PCF11: variants seen among roughly 807,000 people sequenced by gnomAD.
PCF11 encodes the protein PCF11 cleavage and polyadenylation factor subunit, also known as pre-mRNA cleavage complex 2 protein Pcf11.
Under a neutral mutation model 166.1 loss-of-function variants are expected in PCF11, and 19 were observed. The ratio of observed to expected loss-of-function variants is 0.11; its 90% confidence interval spans 0.08 to 0.17. The LOEUF (loss-of-function observed/expected upper bound fraction) is 0.17, where lower values mean the gene tolerates loss of function less well. PCF11 is among the 10% of genes least tolerant of loss of function. The probability of loss-of-function intolerance (pLI) is 1.00; values close to 1 mark genes in which losing one functional copy is unlikely to be tolerated. For synonymous variants in PCF11, 663 were observed against 644.1 expected (o/e 1.03, Z -0.44); for missense variants, 1,565 against 1,855.5 (o/e 0.84, Z 2.88).
In PCF11 at chr11:83,167,118, G is replaced by A. The variant is rs753143416; in HGVS notation, c.1818-7G>A. 4.4e-6 allele frequency: 7 copies of A among 1,598,968 alleles called. No individual in the cohort carries two copies. In the South Asian group the frequency reaches 7.9e-5, roughly 18 times the overall value. ...TTCAATGTAACATACTGCTTTTATGGTTTCAGCTTACAACAGGTTGATGAA... is the reference window on the plus strand; with the variant it reads ...TTCAATGTAACATACTGCTTTTATGATTTCAGCTTACAACAGGTTGATGAA... On this transcript the variant is annotated splice_polypyrimidine_tract_variant and splice_region_variant and intron_variant, in intron 5 of 15. Transcript: ENST00000298281. The surrounding 1 kb of genome is among the most constrained non-coding windows in gnomAD (Gnocchi z 4.2).
chr11:83,177,121 G>C, exon 10 of PCF11: 1 of 1,574,504 alleles, frequency 6.4e-7, no homozygotes, highest in East Asian at 2.3e-5. Context: ...AATCATCTCA[G>C]TCAGGTGGAT....
exon 16 of PCF11, chr11:83,184,933 C>A: frequency 7.2e-7 from 1 of 1,392,732 alleles, no homozygotes; most frequent in Non-Finnish European, 9.7e-7. Context: ...TTTAAAAAAG[C>A]TGCTGTTGGA....
chr11:83,172,517 G>A (rs11233502), intron 9 of PCF11, among the ~76,000 whole-genome samples: 14,459 of 152,026 alleles, frequency 0.095, 795 homozygotes, highest in Middle Eastern at 0.21. Flanking sequence ...CTGCCTCCGG[G>A]GTTCAAGCGA....
intron 2 of PCF11, among the ~76,000 whole-genome samples, chr11:83,162,922 G>A (rs1860311855): frequency 6.6e-6 from 1 of 152,138 alleles, no homozygotes; most frequent in Non-Finnish European, 1.5e-5. Context: ...TTACAGGCAT[G>A]AGCCATCATG....
intron 9 of PCF11, among the ~76,000 whole-genome samples, chr11:83,176,036 C>T (rs780741205): frequency 4.6e-5 from 7 of 152,124 alleles, no homozygotes; most frequent in South Asian, 2.1e-4. Flanking sequence ...TTTCCTGTTA[C>T]GTCAGGGAGC....
chr11:83,182,794 A>T (rs1183732105), intron 14 of PCF11, among the ~76,000 whole-genome samples: 1 of 152,202 alleles, frequency 6.6e-6, no homozygotes, highest in African/African-American at 2.4e-5. Flanking sequence ...TTTATATTTC[A>T]TCATCAAACT....
chr11:83,184,010 G>T (rs1861178685), intron 15 of PCF11: 1 of 152,012 alleles, frequency 6.6e-6, no homozygotes, highest in Non-Finnish European at 1.5e-5. Context: ...AAATTAGCCA[G>T]GCATGGTGGC....
At chr11:83,157,435 G>T in exon 1 of PCF11, 1 of 1,606,586 alleles carries the variant, frequency 6.2e-7, no homozygotes, top group African/African-American at 1.3e-5. Flanking sequence ...GGGGGCCGCG[G>T]CGCAATGTCA....
intron 13 of PCF11, 27 bp downstream of exon 13, chr11:83,182,036 C>T: frequency 3.2e-6 from 5 of 1,579,388 alleles, no homozygotes; most frequent in Non-Finnish European, 4.3e-6. Context: ...TAAGTTTTCT[C>T]ACAGTGGGAG....
Position 83,177,054 on chromosome 11 carries a change from G to T in PCF11, c.3758-31G>T, listed in dbSNP as rs774106414. The T allele has an allele frequency of 7.4e-5, 105 of 1,418,082 alleles. 1 individual carries two copies. The Middle Eastern group carries it at 2.9e-3, about 39-fold the overall frequency. 87.8% of individuals were successfully genotyped at this position (1,418,082 alleles called of 1,614,324 possible). The stretch of plus-strand genomic sequence containing the variant: ...AAGTTCTACATTCACTTCAAAAGTG[G>T]TTTTTTTTCTTTCTTTCTTTTTTTT... On this transcript the variant is annotated intron_variant, in intron 9 of 15. Coordinates refer to ENST00000298281, the Ensembl canonical transcript of PCF11.
exon 5 of PCF11, chr11:83,166,174 C>G: frequency 6.2e-7 from 1 of 1,603,998 alleles, no homozygotes; most frequent in Non-Finnish European, 8.5e-7. Flanking sequence ...AGAAAAACTG[C>G]AGAAAAAAAG....
At chr11:83,169,960 C>G in exon 8 of PCF11, 1 of 1,601,230 alleles carries the variant, frequency 6.2e-7, no homozygotes, top group Non-Finnish European at 8.5e-7. Flanking sequence ...TATACCTGCT[C>G]CAATGACAGT....
At chr11:83,184,643 C>G in intron 15 of PCF11, 36 bp from the exon 16 acceptor site, 1 of 1,424,358 alleles carries the variant, frequency 7.0e-7, no homozygotes, top group Non-Finnish European at 9.8e-7. Flanking sequence ...GAATTTTGAA[C>G]TTTCATCAGT....
exon 8 of PCF11, chr11:83,168,495 T>C (rs1328790280): frequency 1.2e-6 from 2 of 1,613,838 alleles, no homozygotes; most frequent in Admixed American, 3.3e-5. Flanking sequence ...GATATGAAGA[T>C]TCAGATAAAC....
intron 11 of PCF11, among the ~76,000 whole-genome samples, chr11:83,179,527 G>T (rs1590937631): frequency 6.6e-6 from 1 of 152,016 alleles, no homozygotes; most frequent in African/African-American, 2.4e-5. Context: ...TGGGATTACA[G>T]GTTTGAGCCA....
intron 11 of PCF11, 129 bp from the exon 12 acceptor site, chr11:83,180,879 A>G: frequency 7.5e-6 from 4 of 535,352 alleles, no homozygotes; most frequent in Non-Finnish European, 1.3e-5. Context: ...ATCTTTGGGT[A>G]TTAACTGTTT....
chr11:83,174,762 T>C (rs1290265777), intron 9 of PCF11, among the ~76,000 whole-genome samples: 1 of 152,198 alleles, frequency 6.6e-6, no homozygotes, highest in Admixed American at 6.5e-5. Flanking sequence ...GGAGTCTGGT[T>C]CCACAGTTTA....
chr11:83,157,173 A>G (rs1860017341), exon 1 of PCF11: 6 of 573,962 alleles, frequency 1.0e-5, no homozygotes, highest in South Asian at 9.0e-5. Context: ...TCGGAGCTGG[A>G]GCCGCCACTG....
At chr11:83,164,672 T>C (rs372173163) in intron 4 of PCF11, among the ~76,000 whole-genome samples, 1 of 151,666 alleles carries the variant, frequency 6.6e-6, no homozygotes, top group African/African-American at 2.4e-5. Context: ...CGCTTGAGTT[T>C]AGGAGTTTGA....
Sources: gnomAD v4.1 joint callset for allele counts (sites outside exome capture counted in the v4.1 genomes callset) on GRCh38, gnomAD v4.1.1 for gene constraint, Gnocchi (gnomAD v3.1) non-coding constraint, MANE v1.5 for transcripts, NCBI Gene and HGNC (gene_info 2026-07-23, HGNC 2026-07-21) for gene names.